SUSD1: variants seen among roughly 807,000 people sequenced by gnomAD.
SUSD1 encodes the protein sushi domain containing 1.
Under a neutral mutation model 86.9 loss-of-function variants are expected in SUSD1, and 65 were observed. That is an observed-to-expected ratio of 0.75 (90% CI 0.61 to 0.92). The LOEUF is 0.92. Ranked by LOEUF, SUSD1 falls within the 40% of genes least tolerant of loss-of-function variation. The pLI, the probability that SUSD1 is intolerant of heterozygous loss-of-function variation, is 0.00. For missense variants in SUSD1, 850 were observed against 929.7 expected (o/e 0.91, Z 1.11); for synonymous variants, 346 against 350.0 (o/e 0.99, Z 0.13).
rs529112737 is a variant in SUSD1, at chr9:112,153,683, G to A, written c.217+3817C>T. 4.5e-3 allele frequency among the ~76,000 whole-genome samples: 671 copies of A among 148,610 alleles called. 3 individuals are homozygous for A. Among genetic ancestry groups the A allele is most frequent in the African/African-American group, 0.015 (619 of 40,222 alleles). On this transcript the variant is annotated intron_variant, in intron 2 of 16. Coordinates refer to ENST00000374270, the MANE Select transcript of SUSD1 (RefSeq NM_022486.5). Reference sequence around the variant, plus strand: ...GGCTGGAGTGCAATGGCGCGATCTCGGCTCACTGCAACCTCTGCCTCCTGG... The same window carrying A: ...GGCTGGAGTGCAATGGCGCGATCTCAGCTCACTGCAACCTCTGCCTCCTGG...
At chr9:112,111,421 AC>A (rs1197471687) in intron 8 of SUSD1, among the ~76,000 whole-genome samples, 1 of 150,496 alleles carries the variant, frequency 6.6e-6, no homozygotes, top group Non-Finnish European at 1.5e-5. Flanking sequence ...ATTACTTTCC[AC>A]CTCTCCCGGA....
intron 1 of SUSD1, among the ~76,000 whole-genome samples, chr9:112,160,906 C>T (rs1589747631): frequency 2.0e-5 from 3 of 152,176 alleles, no homozygotes; most frequent in South Asian, 2.1e-4. Flanking sequence ...ATTTTACGAC[C>T]GGGAGAAAAT....
chr9:112,079,102 G>A (rs977096849), intron 11 of SUSD1, among the ~76,000 whole-genome samples: 3 of 151,922 alleles, frequency 2.0e-5, no homozygotes, highest in Non-Finnish European at 2.9e-5. Context: ...GTGAGCCACC[G>A]CGCCCAGCCC....
At chr9:112,097,927 G>A (rs1477139258) in intron 10 of SUSD1, among the ~76,000 whole-genome samples, 5 of 152,190 alleles carry the variant, frequency 3.3e-5, no homozygotes, top group Non-Finnish European at 5.9e-5. Flanking sequence ...TCCCACTAGG[G>A]GGAGCTGTGG....
intron 3 of SUSD1, among the ~76,000 whole-genome samples, chr9:112,147,586 T>G (rs990082853): frequency 1.3e-5 from 2 of 151,940 alleles, no homozygotes; most frequent in African/African-American, 4.8e-5. Flanking sequence ...CTGGCCAACA[T>G]GGTGAAACCC....
chr9:112,063,031 G>C lies in SUSD1; in HGVS notation c.1756C>G (p.Pro586Ala). Residue 586 changes from proline to alanine, a missense_variant and splice_region_variant, in exon 13 of 17, where the codon CCT becomes GCT. Physicochemically the swap from Pro to Ala is conservative, Grantham distance 27. Transcript: ENST00000374270. ...VISLTTQITE[P>A]PLPEVEFFTV... ...AAAAATTCTACTTCCGGGAGGGGAG[G>C]CTCTGAAAACATGTTGAAAAGAAGA... is the stretch of plus-strand genomic sequence containing the variant. 1 of 1,606,472 alleles carries C rather than the reference G, an allele frequency of 6.2e-7. No individual in the cohort carries two copies. The highest frequency in any genetic ancestry group is 1.3e-5 in the African/African-American group (1 of 74,852).
At chr9:112,084,982 C>A (rs947946419) in intron 10 of SUSD1, among the ~76,000 whole-genome samples, 1 of 152,204 alleles carries the variant, frequency 6.6e-6, no homozygotes, top group Admixed American at 6.5e-5. Context: ...TGGTACCCTG[C>A]AAATACCTCA....
chr9:112,135,477 A>C (rs1323812873), intron 5 of SUSD1, among the ~76,000 whole-genome samples: 1 of 152,200 alleles, frequency 6.6e-6, no homozygotes, highest in African/African-American at 2.4e-5. Flanking sequence ...AGGGAAAAAA[A>C]GGGCTTAGCA....
intron 11 of SUSD1, 56 bp from the exon 12 acceptor site, chr9:112,078,780 C>A: frequency 7.1e-7 from 1 of 1,399,214 alleles, no homozygotes; most frequent in Non-Finnish European, 9.8e-7. Context: ...CTTTAGATGC[C>A]TTGAAACCTC....
chr9:112,068,786 G>GCA (rs988858292), intron 12 of SUSD1, among the ~76,000 whole-genome samples: 1 of 152,080 alleles, frequency 6.6e-6, no homozygotes, highest in African/African-American at 2.4e-5. Context: ...TAGAAAAAGG[G>GCA]CAAAAATACA....
intron 5 of SUSD1, among the ~76,000 whole-genome samples, chr9:112,136,673 C>A (rs1832280805): frequency 6.6e-6 from 1 of 152,234 alleles, no homozygotes; most frequent in South Asian, 2.1e-4. Flanking sequence ...TGTGCTAAGT[C>A]TGGATGTGGT....
chr9:112,099,612 G>C (rs1322281590), intron 9 of SUSD1, among the ~76,000 whole-genome samples: 2 of 152,152 alleles, frequency 1.3e-5, no homozygotes, highest in Non-Finnish European at 1.5e-5. Context: ...AGCTCCAGCA[G>C]GGAATTATAG....
chr9:112,079,944 G>A, intron 11 of SUSD1, 130 bp downstream of exon 11: 1 of 618,526 alleles, frequency 1.6e-6, no homozygotes, highest in Non-Finnish European at 2.8e-6. Flanking sequence ...CTTGCTTCTT[G>A]ATGCAATTGT....
chr9:112,170,104 C>T (rs1305884823), intron 1 of SUSD1, among the ~76,000 whole-genome samples: 1 of 152,190 alleles, frequency 6.6e-6, no homozygotes, highest in Non-Finnish European at 1.5e-5. Flanking sequence ...GACCAGAAGA[C>T]CAAGAATACA....
intron 1 of SUSD1, among the ~76,000 whole-genome samples, chr9:112,174,534 G>C (rs972215316): frequency 6.6e-6 from 1 of 152,186 alleles, no homozygotes; most frequent in African/African-American, 2.4e-5. Context: ...AGCTCCACGA[G>C]GGCCCGCACT....
In SUSD1 at chr9:112,098,527, G is replaced by C; in HGVS notation, c.1417C>G (p.Leu473Val). 6.2e-7 allele frequency: 1 copy of C among 1,614,176 alleles called. No homozygotes were observed. Among genetic ancestry groups the C allele is most frequent in the South Asian group, 1.1e-5 (1 of 91,080 alleles). Residue 473 changes from leucine (L) to valine (V), a missense_variant, in exon 10 of 17, where the codon CTG becomes GTG. Transcript: ENST00000374270. Reference sequence around the variant, plus strand: ...GAGTGCCGCTTAGGAGATCTCAGCAGGGTCACATTCACCGTATAATCAGTC... The same window carrying C: ...GAGTGCCGCTTAGGAGATCTCAGCACGGTCACATTCACCGTATAATCAGTC... ...PTTDYTVNVTLLRSPKRHSVQ... is the reference protein window; with the variant it reads ...PTTDYTVNVTVLRSPKRHSVQ...
At chr9:112,157,717 A>C (rs1833393855) in intron 1 of SUSD1, 104 bp from the exon 2 acceptor site, 3 of 750,010 alleles carry the variant, frequency 4.0e-6, no homozygotes. Context: ...GACCAAAATA[A>C]CACAGGACAC....
At chr9:112,121,018 T>C (rs1831533092) in intron 6 of SUSD1, among the ~76,000 whole-genome samples, 1 of 152,208 alleles carries the variant, frequency 6.6e-6, no homozygotes, top group Non-Finnish European at 1.5e-5. Flanking sequence ...CTCTTGGAGA[T>C]GCTTTTGCAA....
At chr9:112,047,769 T>C (rs186923841) in intron 15 of SUSD1, among the ~76,000 whole-genome samples, 27 of 152,284 alleles carry the variant, frequency 1.8e-4, no homozygotes, top group African/African-American at 6.5e-4. Context: ...TCACATGATC[T>C]CTTTGTATAT....
Sources: allele counts gnomAD v4.1 joint callset (sites outside exome capture counted in the v4.1 genomes callset), GRCh38; gene constraint gnomAD v4.1.1; transcripts MANE v1.5; gene names NCBI Gene and HGNC (gene_info 2026-07-23, HGNC 2026-07-21).